Variants in CAST observed in about 807,000 individuals in gnomAD.
The protein encoded by CAST is calpastatin.
In CAST, 76 loss-of-function variants were observed where a neutral mutation model predicts 119.6. That is an observed-to-expected ratio of 0.64 (90% CI 0.53 to 0.77). CAST has a LOEUF of 0.77. Ranked by LOEUF, CAST falls within the 30% of genes least tolerant of loss-of-function variation. CAST has a pLI of 0.00. For missense variants in CAST, 953 were observed against 946.5 expected (o/e 1.01, Z -0.09); for synonymous variants, 319 against 331.6 (o/e 0.96, Z 0.41).
At chr5:96,136,111 T>A in the CAST span, among the ~76,000 whole-genome samples, 1 of 152,230 alleles carries the variant, frequency 6.6e-6, no homozygotes, top group Admixed American at 6.5e-5. Flanking sequence ...AAATTATTTG[T>A]AATTCTTCTC....
chr5:96,104,817 A>T, the CAST span, among the ~76,000 whole-genome samples: 1 of 92,876 alleles, frequency 1.1e-5, no homozygotes, highest in Admixed American at 1.2e-4. Context: ...TCTGTAAATT[A>T]CCTTGGGCAG....
chr5:96,425,008 A>AAAAGAAAGAAAGAAAG, the CAST span, among the ~76,000 whole-genome samples: 184 of 117,508 alleles, frequency 1.6e-3, 1 homozygote, highest in Admixed American at 3.5e-3. Flanking sequence ...AGAAAGAAAG[A>AAAAGAAAGAAAGAAAG]AAAGAAAGAA....
chr5:96,733,939 A>G (rs1340846340), intron 9 of CAST, among the ~76,000 whole-genome samples: 1 of 152,196 alleles, frequency 6.6e-6, no homozygotes, highest in Non-Finnish European at 1.5e-5. Context: ...TGCACTAGCT[A>G]TAGGCTGGCC....
At chr5:96,653,981 T>C (rs893174383) in intron 1 of CAST, among the ~76,000 whole-genome samples, 3 of 151,696 alleles carry the variant, frequency 2.0e-5, no homozygotes, top group Non-Finnish European at 4.4e-5. Flanking sequence ...CTCTCTTTTC[T>C]CTTCCCTTGT....
At chr5:96,418,874 T>C in the CAST span, among the ~76,000 whole-genome samples, 1 of 152,308 alleles carries the variant, frequency 6.6e-6, no homozygotes, top group African/African-American at 2.4e-5. Context: ...AATTGACTTG[T>C]CTCTGCTGCT....
rs74978713 is a variant in CAST at position 96,599,966 on chromosome 5, C to CAAAA, written c.60+70100_60+70103dup. Among the ~76,000 whole-genome samples the CAAAA allele has an allele frequency of 8.2e-3, 385 of 47,190 alleles. 1 individual carries two copies. Among genetic ancestry groups the CAAAA allele is most frequent in the Middle Eastern group, 0.024 (2 of 84 alleles). The allele number at this position is 47,190 out of a possible 152,430, so 31.0% of individuals were successfully genotyped here. A position where few individuals can be genotyped will look rare whatever the true frequency, so the allele number is the denominator to read the frequency against. On this transcript the variant is annotated intron_variant, in intron 1 of 11. Transcript: ENST00000505143. ...TATCCTGTATTATTGCTTCATTAGG[C>CAAAA]AAAAAAAAAAAAAAAAACCCTCAAG...
intron 20 of CAST, among the ~76,000 whole-genome samples, chr5:96,751,964 T>C (rs1209256756): frequency 6.6e-6 from 1 of 152,192 alleles, no homozygotes; most frequent in African/African-American, 2.4e-5. Context: ...CAGGTTACTG[T>C]CACTGAGGCA....
the CAST span, among the ~76,000 whole-genome samples, chr5:96,092,123 C>G: frequency 6.6e-6 from 1 of 152,200 alleles, no homozygotes; most frequent in Non-Finnish European, 1.5e-5. Flanking sequence ...GACTGACATC[C>G]TTTGAAGACA....
the CAST span, among the ~76,000 whole-genome samples, chr5:96,028,276 T>G: frequency 4.6e-5 from 7 of 151,878 alleles, no homozygotes; most frequent in Admixed American, 4.6e-4. Context: ...ATTCAAGAAA[T>G]AAAAGTAAAT....
chr5:96,478,083 T>G, the CAST span, among the ~76,000 whole-genome samples: 1 of 152,256 alleles, frequency 6.6e-6, no homozygotes, highest in African/African-American at 2.4e-5. Flanking sequence ...CTTATATATC[T>G]TGCTCTTTTT....
At chr5:96,208,630 A>G in the CAST span, among the ~76,000 whole-genome samples, 2 of 151,878 alleles carry the variant, frequency 1.3e-5, no homozygotes, top group Non-Finnish European at 2.9e-5. Context: ...ATGTAATTGT[A>G]TGGTTTTGAG....
intron 1 of CAST, chr5:96,663,157 G>A (rs1179661662): frequency 1.4e-6 from 1 of 702,664 alleles, no homozygotes; most frequent in South Asian, 1.5e-5. Context: ...CCAGCTGGTG[G>A]TACAAGACGG....
At chr5:96,513,883 T>C in the CAST span, among the ~76,000 whole-genome samples, 64,288 of 152,018 alleles carry the variant, frequency 0.42, 13,803 homozygotes, top group Admixed American at 0.45. Flanking sequence ...ATGCTTTCTC[T>C]AGGACTGTGG....
the CAST span, among the ~76,000 whole-genome samples, chr5:96,139,117 A>T: frequency 6.6e-6 from 1 of 151,954 alleles, no homozygotes; most frequent in Middle Eastern, 3.2e-3. Context: ...GGTTTGCTGT[A>T]TGTCATCTAT....
At chr5:96,380,053 G>A in the CAST span, among the ~76,000 whole-genome samples, 1 of 152,094 alleles carries the variant, frequency 6.6e-6, no homozygotes, top group Non-Finnish European at 1.5e-5. Flanking sequence ...TTGAAAATTC[G>A]CTAACACGGC....
chr5:96,597,532 A>G (rs1203589843), intron 1 of CAST, among the ~76,000 whole-genome samples: 1 of 152,172 alleles, frequency 6.6e-6, no homozygotes, highest in African/African-American at 2.4e-5. Context: ...ATTTAGTCTT[A>G]TATCTCTTTC....
the CAST span, among the ~76,000 whole-genome samples, chr5:96,159,617 C>G: frequency 6.6e-6 from 1 of 152,022 alleles, no homozygotes; most frequent in Non-Finnish European, 1.5e-5. Flanking sequence ...TTGTTTTTTA[C>G]TTTATGGAAA....
At chr5:96,234,487 T>C in the CAST span, among the ~76,000 whole-genome samples, 10 of 152,130 alleles carry the variant, frequency 6.6e-5, no homozygotes, top group African/African-American at 2.4e-4. Flanking sequence ...AACAGGAATT[T>C]TTTTTCCTCC....
At chr5:96,479,490 G>A in the CAST span, among the ~76,000 whole-genome samples, 1 of 127,328 alleles carries the variant, frequency 7.9e-6, no homozygotes, top group Non-Finnish European at 1.6e-5. Flanking sequence ...TTGCTATGTT[G>A]CCAGTCTGGA....
Sources: gnomAD v4.1 joint callset for allele counts (sites outside exome capture counted in the v4.1 genomes callset) on GRCh38, gnomAD v4.1.1 for gene constraint, MANE v1.5 for transcripts, NCBI Gene and HGNC (gene_info 2026-07-23, HGNC 2026-07-21) for gene names.